Variants in IBTK observed in about 807,000 individuals in gnomAD.
IBTK encodes the protein inhibitor of Bruton tyrosine kinase, also known as BTK-binding protein.
In IBTK, 83 loss-of-function variants were observed where a neutral mutation model predicts 154.9. The observed-to-expected ratio is 0.54, with a 90% CI of 0.45 to 0.64. IBTK has a LOEUF of 0.64. Ranked by LOEUF, IBTK falls within the 30% of genes least tolerant of loss-of-function variation. The pLI, the probability that IBTK is intolerant of heterozygous loss-of-function variation, is 0.00. For missense variants in IBTK, 1,332 were observed against 1,584.6 expected, an observed-to-expected ratio of 0.84 and a Z score of 2.71; for synonymous variants, 515 against 536.1, an observed-to-expected ratio of 0.96 and a Z score of 0.54.
chr6:82,191,969 GA>G, intron 23 of IBTK, 90 bp from the exon 24 acceptor site: 1 of 662,928 alleles, frequency 1.5e-6, no homozygotes, highest in Non-Finnish European at 2.6e-6. Context: ...TGATATGTGA[GA>G]TTAATAATCA....
chr6:82,185,915 C>A (rs1002794150), intron 25 of IBTK, among the ~76,000 whole-genome samples: 2 of 152,114 alleles, frequency 1.3e-5, no homozygotes, highest in Admixed American at 1.3e-4. Flanking sequence ...AGGTTTGTGG[C>A]AACCTTGCAT....
rs1235571895 is a variant in IBTK, at chr6:82,231,703, G to A, written c.543+15C>T. ...TCTCATCTCTAAAAGTATATAGATT[G>A]TACTTCAAAAATACCTGCTTGATAT... On this transcript the variant is annotated intron_variant, in intron 4 of 28. Transcript: ENST00000306270. 5 of 1,584,058 alleles carry A rather than the reference G, an allele frequency of 3.2e-6. No homozygotes were observed. The South Asian group carries it at 3.5e-5, about 11-fold the overall frequency.
chr6:82,205,809 C>T (rs9344257), intron 16 of IBTK: 36,084 of 151,616 alleles, frequency 0.24, 4,305 homozygotes, highest in African/African-American at 0.28. Context: ...CTCAGTACTA[C>T]TAATGGCTTT....
intron 10 of IBTK, among the ~76,000 whole-genome samples, chr6:82,217,703 A>G (rs9359517): frequency 0.22 from 33,477 of 152,128 alleles, 3,685 homozygotes; most frequent in South Asian, 0.25. Context: ...TAACTGAGTT[A>G]TTCATACAAC....
At chr6:82,244,337 C>G (rs1771064697) in intron 1 of IBTK, among the ~76,000 whole-genome samples, 1 of 152,184 alleles carries the variant, frequency 6.6e-6, no homozygotes, top group South Asian at 2.1e-4. Flanking sequence ...TAATGACTTC[C>G]AAATTACCAA....
chr6:82,216,013 G>A, intron 11 of IBTK, 63 bp downstream of exon 11: 2 of 1,321,620 alleles, frequency 1.5e-6, no homozygotes, highest in Non-Finnish European at 2.1e-6. Flanking sequence ...AGCAGCTACT[G>A]AAAACAAGAA....
chr6:82,226,425 A>G (rs920966966), intron 5 of IBTK, among the ~76,000 whole-genome samples: 1 of 152,176 alleles, frequency 6.6e-6, no homozygotes, highest in Non-Finnish European at 1.5e-5. Flanking sequence ...TCTGATAGGT[A>G]ATGTACTAGG....
In IBTK at chr6:82,234,879, G is replaced by A. The variant is rs770800; in HGVS notation, c.322-624C>T. ...ACATGTGAACTTTTTTTTGCAGGGG[G>A]GACGGAATCTCGCCTTTGTCGCCCA... On this transcript the variant is annotated intron_variant, in intron 2 of 28. Coordinates refer to ENST00000306270, the MANE Select transcript of IBTK (RefSeq NM_015525.4). Among the ~76,000 whole-genome samples the A allele has an allele frequency of 4.7e-3, 703 of 150,834 alleles. 3 individuals are homozygous for A. Among genetic ancestry groups the A allele is most frequent in the Non-Finnish European group, 8.2e-3 (555 of 67,572 alleles).
intron 16 of IBTK, among the ~76,000 whole-genome samples, chr6:82,207,233 A>C (rs1429479841): frequency 6.6e-6 from 1 of 152,234 alleles, no homozygotes; most frequent in African/African-American, 2.4e-5. Context: ...GAACAAGTTC[A>C]GCAAGGTTGC....
Position 82,216,265 on chromosome 6 carries a change from T to C in IBTK, c.1427-15A>G, listed in dbSNP as rs774160811. 4.0e-6 allele frequency: 6 copies of C among 1,506,584 alleles called. No homozygotes were observed. The South Asian group carries it at 7.2e-5, about 18-fold the overall frequency. 93.3% of individuals were successfully genotyped at this position (1,506,584 alleles called of 1,614,324 possible). ...TGATAAAATCTCTGTTAAAAAAAAA[T>C]AAACTACCATTAATCAAGGCTTTAC... is the stretch of plus-strand genomic sequence containing the variant. On this transcript the variant is annotated splice_polypyrimidine_tract_variant and intron_variant, in intron 10 of 28. Coordinates refer to ENST00000306270, the MANE Select transcript of IBTK (RefSeq NM_015525.4).
rs531181316 is a variant in IBTK, at chr6:82,214,090, G to C, written c.2204+137C>G. ...CCTGCCTCAGCCTCCTGAGTAGCTG[G>C]GACTACAGGCGCCCGCCACCACACC... On this transcript the variant is annotated intron_variant, in intron 12 of 28. Transcript: ENST00000306270. The C allele has an allele frequency of 9.6e-6, 7 of 729,588 alleles. No homozygotes were observed. In the African/African-American group the frequency reaches 1.3e-4, roughly 13 times the overall value. 45.2% of individuals were successfully genotyped at this position (729,588 alleles called of 1,614,324 possible). A position where few individuals can be genotyped will look rare whatever the true frequency, so the allele number is the denominator to read the frequency against.
intron 23 of IBTK, among the ~76,000 whole-genome samples, chr6:82,192,839 C>A (rs111741459): frequency 0.05 from 7,659 of 151,870 alleles, 292 homozygotes; most frequent in South Asian, 0.15. Flanking sequence ...GTGGCTCACA[C>A]CTGAAATCCC....
chr6:82,246,255 C>T (rs911808513), intron 1 of IBTK, among the ~76,000 whole-genome samples: 6 of 152,018 alleles, frequency 3.9e-5, no homozygotes, highest in Admixed American at 3.3e-4. Flanking sequence ...TTTGGTAGGG[C>T]AGCTGGAGAC....
At chr6:82,218,271 C>A (rs1335588894) in intron 9 of IBTK, 134 bp from the exon 10 acceptor site, 5 of 507,832 alleles carry the variant, frequency 9.8e-6, no homozygotes, top group Non-Finnish European at 1.6e-5. Flanking sequence ...TTTATTCTTC[C>A]ACAGAAAAAG....
intron 2 of IBTK, 71 bp downstream of exon 2, chr6:82,240,095 G>C: frequency 7.7e-7 from 1 of 1,306,436 alleles, no homozygotes; most frequent in Non-Finnish European, 1.1e-6. Flanking sequence ...AAAGCATGTA[G>C]GATGTATGAA....
chr6:82,231,683 T>A (rs778900679), intron 4 of IBTK, 35 bp downstream of exon 4: 1 of 1,509,124 alleles, frequency 6.6e-7, no homozygotes. Context: ...TTCTTTCTCA[T>A]CTCTAAAAGT....
chr6:82,198,205 A>G (rs1769071150), intron 21 of IBTK, among the ~76,000 whole-genome samples: 1 of 152,164 alleles, frequency 6.6e-6, no homozygotes, highest in Non-Finnish European at 1.5e-5. Context: ...AACAAACCAA[A>G]TATCTGCTTT....
chr6:82,202,715 A>G, intron 17 of IBTK, 70 bp from the exon 18 acceptor site: 1 of 822,180 alleles, frequency 1.2e-6, no homozygotes. Context: ...AAATACATTT[A>G]TGTCTAAAGC....
chr6:82,215,780 CAAAAAA>C (rs59634766), intron 11 of IBTK, among the ~76,000 whole-genome samples: 5 of 82,130 alleles, frequency 6.1e-5, no homozygotes, highest in African/African-American at 1.0e-4. Context: ...GACTCCATCT[CAAAAAA>C]AAAAAAAAAA....
Sources: allele counts gnomAD v4.1 joint callset (sites outside exome capture counted in the v4.1 genomes callset), GRCh38; gene constraint gnomAD v4.1.1; transcripts MANE v1.5; gene names NCBI Gene and HGNC (gene_info 2026-07-23, HGNC 2026-07-21).